Variants in SMC5 observed in about 807,000 individuals in gnomAD.
SMC5 encodes structural maintenance of chromosomes 5.
In SMC5, 88 loss-of-function variants were observed where a neutral mutation model predicts 148.3. That is an observed-to-expected ratio of 0.59 (90% CI 0.50 to 0.71). SMC5 has a LOEUF of 0.71. Ranked by LOEUF, SMC5 falls within the 30% of genes least tolerant of loss-of-function variation. The pLI is 0.00. For missense variants in SMC5, 1,142 were observed against 1,298.9 expected (o/e 0.88, Z 1.86); for synonymous variants, 421 against 432.8 (o/e 0.97, Z 0.34).
At chr9:70,321,409 T>C (rs77894503) in intron 15 of SMC5, among the ~76,000 whole-genome samples, 3 of 127,826 alleles carry the variant, frequency 2.3e-5, no homozygotes, top group Non-Finnish European at 5.4e-5. Flanking sequence ...TTTTTTTTTT[T>C]TGAGACGGGG....
At chr9:70,339,285 C>A (rs1216776806) in intron 17 of SMC5, among the ~76,000 whole-genome samples, 1 of 151,918 alleles carries the variant, frequency 6.6e-6, no homozygotes, top group African/African-American at 2.4e-5. Context: ...AAAAATTAGC[C>A]GGGTGTGGTG....
At chr9:70,270,894 G>A (rs1024540551) in intron 3 of SMC5, among the ~76,000 whole-genome samples, 1 of 152,024 alleles carries the variant, frequency 6.6e-6, no homozygotes, top group African/African-American at 2.4e-5. Flanking sequence ...TGATCCGCCC[G>A]CCTTGGCCTC....
At chr9:70,278,654 T>C in intron 5 of SMC5, 29 bp downstream of exon 5, 1 of 1,573,046 alleles carries the variant, frequency 6.4e-7, no homozygotes, top group Non-Finnish European at 8.6e-7. Flanking sequence ...TCATTTGTAT[T>C]GTTTCTTATT....
chr9:70,308,450 G>C (rs1432824070), intron 11 of SMC5, among the ~76,000 whole-genome samples: 1 of 151,594 alleles, frequency 6.6e-6, no homozygotes, highest in African/African-American at 2.4e-5. Context: ...AAAATTAGCC[G>C]GGCGTGGTGG....
At chr9:70,323,035 G>C (rs1238592688) in intron 15 of SMC5, among the ~76,000 whole-genome samples, 1 of 152,090 alleles carries the variant, frequency 6.6e-6, no homozygotes, top group Non-Finnish European at 1.5e-5. Flanking sequence ...GAATTTGTTT[G>C]TTGTTGCTTC....
At chr9:70,289,074 G>A (rs1180128) in intron 8 of SMC5, among the ~76,000 whole-genome samples, 32,112 of 151,926 alleles carry the variant, frequency 0.21, 3,525 homozygotes, top group South Asian at 0.28. Flanking sequence ...GTCTTGCTCT[G>A]TCTCCGAGGC....
intron 7 of SMC5, among the ~76,000 whole-genome samples, chr9:70,283,413 G>A (rs1354631687): frequency 6.6e-6 from 1 of 152,202 alleles, no homozygotes; most frequent in African/African-American, 2.4e-5. Flanking sequence ...GTTGCAGTGA[G>A]CTGAGATTGT....
At chr9:70,288,265 C>T in intron 8 of SMC5, among the ~76,000 whole-genome samples, 1 of 151,844 alleles carries the variant, frequency 6.6e-6, no homozygotes, top group Non-Finnish European at 1.5e-5. Flanking sequence ...TTTGTTCTTT[C>T]TTAACTGGTT....
At chr9:70,267,032 C>CTTT (rs60909552) in intron 2 of SMC5, among the ~76,000 whole-genome samples, 47 of 133,362 alleles carry the variant, frequency 3.5e-4, no homozygotes, top group African/African-American at 1.2e-3. Context: ...CAAGATAAGG[C>CTTT]TTTTTTTTTT....
At position 70,347,569 on chromosome 9, in the gene SMC5, C is replaced by T. The variant is rs774448009; in HGVS notation, c.2665-44C>T. The stretch of plus-strand genomic sequence containing the variant: ...ATGCAAAATTGTATATAGTTTTATC[C>T]TTTGGTAGATTTATCTTAAAGAAGT... On this transcript the variant is annotated intron_variant, in intron 20 of 24. Transcript: ENST00000361138. The T allele has an allele frequency of 3.9e-6, 4 of 1,032,258 alleles. No homozygotes were observed. The South Asian group carries it at 4.5e-5, about 12-fold the overall frequency. 63.9% of individuals were successfully genotyped at this position (1,032,258 alleles called of 1,614,324 possible). A position where few individuals can be genotyped will look rare whatever the true frequency, so the allele number is the denominator to read the frequency against.
intron 24 of SMC5, among the ~76,000 whole-genome samples, chr9:70,350,889 T>A (rs2036789136): frequency 6.6e-6 from 1 of 152,228 alleles, no homozygotes; most frequent in Non-Finnish European, 1.5e-5. Flanking sequence ...TATTCACAGG[T>A]TAATTCTGAT....
chr9:70,284,363 C>T (rs1268863108), intron 7 of SMC5, among the ~76,000 whole-genome samples: 2 of 152,072 alleles, frequency 1.3e-5, no homozygotes, highest in African/African-American at 2.4e-5. Context: ...TAGACAAGCC[C>T]CCTCATTTTA....
chr9:70,308,612 AAAAAAAAG>A (rs1394721879), intron 11 of SMC5, among the ~76,000 whole-genome samples: 1 of 136,436 alleles, frequency 7.3e-6, no homozygotes, highest in African/African-American at 2.7e-5. Flanking sequence ...AAAAAAAAAA[AAAAAAAAG>A]AATTACTAAT....
Position 70,347,620 on chromosome 9 carries a change from A to C in SMC5, c.2672A>C (p.Gln891Pro), listed in dbSNP as rs781347981. ...CFTGLNPTIV[Q>P]EYTKREEEIE... ...TTTTTTTTCCCCTGCCAGATTGTTC[A>C]GGAATATACAAAAAGAGAAGAAGAA... Residue 891 changes from glutamine (Q) to proline (P), a missense_variant, in exon 21 of 25, where the codon CAG becomes CCG. Physicochemically the swap from Gln to Pro is moderately conservative, Grantham distance 76 (BLOSUM62 -1). Around this residue, in one of 5 missense-constraint regions of SMC5, gnomAD observed 743 missense variants for 835.7 expected, o/e 0.89. Coordinates refer to ENST00000361138, the MANE Select transcript of SMC5 (RefSeq NM_015110.4). The C allele has an allele frequency of 6.5e-7, 1 of 1,545,038 alleles. No homozygotes were observed. The highest frequency in any genetic ancestry group is 2.3e-5 in the East Asian group (1 of 43,722).
At chr9:70,342,112 C>G (rs1748364492) in intron 17 of SMC5, among the ~76,000 whole-genome samples, 1 of 151,422 alleles carries the variant, frequency 6.6e-6, no homozygotes, top group Admixed American at 6.6e-5. Flanking sequence ...AATTGGAAAT[C>G]ATCATTCTCA....
intron 8 of SMC5, 136 bp from the exon 9 acceptor site, chr9:70,297,830 A>G (rs112246918): frequency 4.2e-6 from 4 of 946,890 alleles, no homozygotes; most frequent in South Asian, 1.6e-5. Flanking sequence ...GTGCTAGTCT[A>G]ATTCTCACAG....
intron 7 of SMC5, 22 bp from the exon 8 acceptor site, chr9:70,286,178 T>TC (rs772934564): frequency 1.1e-4 from 95 of 886,198 alleles, no homozygotes; most frequent in South Asian, 2.6e-4. Flanking sequence ...TGTCCCCCCC[T>TC]CTCCCCGGTT....
chr9:70,302,220 G>A (rs115399884), intron 10 of SMC5, among the ~76,000 whole-genome samples: 2,497 of 152,124 alleles, frequency 0.016, 68 homozygotes, highest in African/African-American at 0.056. Context: ...GAAAAAATAG[G>A]TTGGGCACGG....
At chr9:70,301,307 A>T (rs1387609389) in intron 10 of SMC5, among the ~76,000 whole-genome samples, 1 of 152,222 alleles carries the variant, frequency 6.6e-6, no homozygotes, top group Non-Finnish European at 1.5e-5. Context: ...GTTTTCTAAT[A>T]GTAGCATATA....
Sources: gnomAD v4.1 joint callset for allele counts (sites outside exome capture counted in the v4.1 genomes callset) on GRCh38, gnomAD v4.1.1 for gene constraint, gnomAD v4.1.1 regional missense constraint, MANE v1.5 for transcripts, NCBI Gene and HGNC (gene_info 2026-07-23, HGNC 2026-07-21) for gene names.